The following MGAM variants were observed in gnomAD, a reference collection of about 807,000 sequenced individuals.
MGAM encodes maltase-glucoamylase.
MGAM carries 253 observed loss-of-function variants against 358.8 expected under a neutral mutation model. The ratio of observed to expected loss-of-function variants is 0.71; its 90% CI spans 0.64 to 0.78. MGAM has a LOEUF of 0.78. Ranked by LOEUF, MGAM falls within the 30% of genes least tolerant of loss-of-function variation. The probability of loss-of-function intolerance (pLI) is 0.00; values close to 1 mark genes in which losing one functional copy is unlikely to be tolerated. For synonymous variants in MGAM, 1,105 were observed against 1,227.1 expected (o/e 0.90, Z 2.08); for missense variants, 3,080 against 3,432.6 (o/e 0.90, Z 2.57).
intron 10 of MGAM, among the ~76,000 whole-genome samples, chr7:142,028,661 A>C (rs1396248784): frequency 1.3e-5 from 2 of 152,212 alleles, no homozygotes; most frequent in African/African-American, 4.8e-5. Flanking sequence ...TTGCCATTGA[A>C]GCTGAGCTTC....
chr7:142,010,800 G>A (rs1805537845), intron 3 of MGAM, among the ~76,000 whole-genome samples: 1 of 152,006 alleles, frequency 6.6e-6, no homozygotes, highest in South Asian at 2.1e-4. Flanking sequence ...GTTCACTTAG[G>A]CTATACTTCT....
intron 24 of MGAM, among the ~76,000 whole-genome samples, chr7:142,051,647 G>GT (rs1230072830): frequency 6.6e-6 from 1 of 151,968 alleles, no homozygotes; most frequent in African/African-American, 2.4e-5. Context: ...GAAATATAAT[G>GT]TTTTTTTCAA....
chr7:142,038,726 C>A, intron 19 of MGAM, 111 bp downstream of exon 19: 2 of 766,902 alleles, frequency 2.6e-6, no homozygotes, highest in South Asian at 4.1e-5. Flanking sequence ...GTGACTGAGT[C>A]AGCCTTGAAG....
Position 142,040,825 on chromosome 7 carries a change from C to CA in MGAM, c.2480dup (p.Asn827LysfsTer20). On this transcript the variant is annotated frameshift_variant, in exon 21 of 71. Transcript: ENST00000475668. LOFTEE classifies it high-confidence loss of function. ...GGCTACATCTTCCCCACACAGCAGC[C>CA]AAATACAACCACTCTGGCCAGGTAT... is the stretch of plus-strand genomic sequence containing the variant. The CA allele has an allele frequency of 1.2e-6, 2 of 1,612,108 alleles. No homozygotes were observed. Among genetic ancestry groups the CA allele is most frequent in the Non-Finnish European group, 1.7e-6 (2 of 1,178,976 alleles).
intron 57 of MGAM, among the ~76,000 whole-genome samples, chr7:142,088,833 CTAT>C (rs1815074980): frequency 1.5e-5 from 2 of 132,168 alleles, no homozygotes; most frequent in African/African-American, 5.3e-5. Flanking sequence ...ATCTATCTAT[CTAT>C]CTATCTATCT....
At chr7:142,011,157 CAT>C (rs1805563726) in intron 3 of MGAM, among the ~76,000 whole-genome samples, 1 of 152,094 alleles carries the variant, frequency 6.6e-6, no homozygotes, top group Non-Finnish European at 1.5e-5. Context: ...ATAACAATAA[CAT>C]AAGTGGTAAT....
chr7:142,062,479 G>T (rs1204674691), intron 34 of MGAM, 89 bp from the exon 35 acceptor site: 1 of 1,507,156 alleles, frequency 6.6e-7, no homozygotes, highest in African/African-American at 1.4e-5. Flanking sequence ...TGCAGTTGAA[G>T]TATTTGTGTG....
chr7:142,042,048 A>G (rs182551386), intron 21 of MGAM, among the ~76,000 whole-genome samples: 2 of 48,512 alleles, frequency 4.1e-5, no homozygotes, highest in Non-Finnish European at 7.1e-5. Context: ...CATATAATAT[A>G]TAATATATAT....
Position 142,074,062 on chromosome 7 carries a change from C to G in MGAM, c.5187-23C>G, listed in dbSNP as rs770470498. 2.3e-5 allele frequency: 34 copies of G among 1,472,546 alleles called. 3 individuals are homozygous for G. Among genetic ancestry groups the G allele is most frequent in the Middle Eastern group, 1.7e-4 (1 of 5,844 alleles). 91.2% of individuals were successfully genotyped at this position (1,472,546 alleles called of 1,614,324 possible). On this transcript the variant is annotated intron_variant, in intron 44 of 70. Transcript: ENST00000475668. ...AAAATTGTCTGACTCCTGTCTTTGT[C>G]TCTTGAATCTTGTTCCCCACAGTCG...
intron 57 of MGAM, among the ~76,000 whole-genome samples, chr7:142,089,356 A>T (rs1236427383): frequency 1.4e-5 from 2 of 146,642 alleles, no homozygotes; most frequent in African/African-American, 4.9e-5. Context: ...TCTCCACAAA[A>T]TATCTCTCAC....
chr7:142,087,181 C>A (rs183529190), intron 57 of MGAM, among the ~76,000 whole-genome samples: 1 of 144,238 alleles, frequency 6.9e-6, no homozygotes, highest in African/African-American at 2.5e-5. Flanking sequence ...TCCATGAACA[C>A]GTTTCTCCCT....
intron 52 of MGAM, 26 bp downstream of exon 52, chr7:142,082,597 T>A: frequency 1.4e-6 from 2 of 1,436,194 alleles, no homozygotes; most frequent in Non-Finnish European, 1.9e-6. Context: ...GCCTCCCTTA[T>A]TTTGGGGGGA....
intron 70 of MGAM, among the ~76,000 whole-genome samples, chr7:142,104,528 G>A (rs1458875419): frequency 6.6e-6 from 1 of 152,162 alleles, no homozygotes; most frequent in East Asian, 1.9e-4. Flanking sequence ...TAGTGTCTAT[G>A]AAGTTTTTTT....
At chr7:142,044,885 C>T (rs1809832476) in intron 21 of MGAM, among the ~76,000 whole-genome samples, 1 of 64,848 alleles carries the variant, frequency 1.5e-5, no homozygotes, top group African/African-American at 5.8e-5. Flanking sequence ...ATATTACATA[C>T]ACGTGTAATA....
chr7:142,058,394 T>C (rs1811766713), intron 31 of MGAM, 66 bp downstream of exon 31: 6 of 1,598,518 alleles, frequency 3.8e-6, no homozygotes, highest in Admixed American at 1.8e-5. Context: ...CTGGGTTCAT[T>C]TGTCTAATGT....
intron 21 of MGAM, among the ~76,000 whole-genome samples, chr7:142,041,854 G>A (rs1276188582): frequency 9.3e-6 from 1 of 107,990 alleles, no homozygotes; most frequent in South Asian, 2.6e-4. Flanking sequence ...TCAAGTTTCT[G>A]GTCATTTTAT....
intron 70 of MGAM, among the ~76,000 whole-genome samples, chr7:142,104,295 TAA>T (rs1455330562): frequency 1.1e-4 from 16 of 152,320 alleles, no homozygotes; most frequent in Admixed American, 1.0e-3. Flanking sequence ...CAACGTAATT[TAA>T]AAGAGGTAGA....
chr7:142,059,488 A>T lies in MGAM; in HGVS notation c.3836A>T (p.Asp1279Val). The change falls in exon 32 of 71, where the codon GAC becomes GTC. Residue 1279 changes from aspartate to valine, a missense_variant. By Grantham distance (152) the Asp-to-Val change is radical (BLOSUM62 -3). Transcript: ENST00000475668. ...CTCCCGCAGGATGTGCAGTACTCAGACATCGACTACATGGAGCGGCAGCTG... is the reference window on the plus strand; with the variant it reads ...CTCCCGCAGGATGTGCAGTACTCAGTCATCGACTACATGGAGCGGCAGCTG... ...AQIPYDVQYS[D>V]IDYMERQLDF... 6.2e-7 allele frequency: 1 copy of T among 1,611,220 alleles called. No homozygotes were observed. The highest frequency in any genetic ancestry group is 8.5e-7 in the Non-Finnish European group (1 of 1,177,920).
intron 29 of MGAM, 144 bp from the exon 30 acceptor site, chr7:142,056,686 C>A: frequency 1.4e-6 from 1 of 719,946 alleles, no homozygotes; most frequent in Non-Finnish European, 2.3e-6. Context: ...TGATCTTCTT[C>A]AGTTCTGTGA....
Sources: allele counts gnomAD v4.1 joint callset (sites outside exome capture counted in the v4.1 genomes callset), GRCh38; gene constraint gnomAD v4.1.1; transcripts MANE v1.5; gene names NCBI Gene and HGNC (gene_info 2026-07-23, HGNC 2026-07-21).